Variants in CSMD1 observed in about 807,000 individuals in gnomAD.
The protein encoded by CSMD1 is CUB and Sushi multiple domains 1.
A neutral mutation model predicts 417.5 loss-of-function variants in CSMD1; 213 were observed. The observed-to-expected ratio is 0.51, with a 90% confidence interval of 0.46 to 0.57. The LOEUF is 0.57. CSMD1 is among the 20% of genes least tolerant of loss of function. The pLI is 0.00. For missense variants in CSMD1, 6,923 were observed against 4,529.7 expected (o/e 1.53, Z -15.17); for synonymous variants, 2,862 against 1,736.8 (o/e 1.65, Z -16.11).
intron 49 of CSMD1, among the ~76,000 whole-genome samples, chr8:3,062,089 T>A (rs541117434): frequency 6.6e-6 from 1 of 152,348 alleles, no homozygotes; most frequent in Admixed American, 6.5e-5. Flanking sequence ...TTTTCAAATA[T>A]GATTCTGAAA....
chr8:2,949,898 A>G (rs531639971), intron 67 of CSMD1, among the ~76,000 whole-genome samples: 9 of 152,154 alleles, frequency 5.9e-5, no homozygotes, highest in Admixed American at 2.6e-4. Context: ...CAGCGTGGTT[A>G]TCAAGCGGTC....
intron 2 of CSMD1, among the ~76,000 whole-genome samples, chr8:4,440,086 G>A (rs995846609): frequency 2.0e-5 from 3 of 152,136 alleles, no homozygotes; most frequent in Admixed American, 6.5e-5. Flanking sequence ...TTTTAACTGT[G>A]TTAGGATATT....
At chr8:3,176,565 C>T (rs891302768) in intron 37 of CSMD1, among the ~76,000 whole-genome samples, 2 of 152,118 alleles carry the variant, frequency 1.3e-5, no homozygotes, top group African/African-American at 4.8e-5. Flanking sequence ...GAGAAATTTT[C>T]AGATCCTTAC....
intron 1 of CSMD1, among the ~76,000 whole-genome samples, chr8:4,795,685 G>C (rs1012916902): frequency 3.9e-5 from 6 of 152,036 alleles, no homozygotes; most frequent in African/African-American, 1.4e-4. Flanking sequence ...ATTATCTTCT[G>C]TGAACTGGGA....
intron 25 of CSMD1, among the ~76,000 whole-genome samples, chr8:3,301,250 C>T (rs1030719268): frequency 1.3e-5 from 2 of 151,854 alleles, no homozygotes; most frequent in African/African-American, 4.8e-5. Flanking sequence ...GCAGCGTTTG[C>T]AGGGTGGTCA....
intron 5 of CSMD1, among the ~76,000 whole-genome samples, chr8:3,993,153 A>G (rs1358170357): frequency 2.0e-5 from 3 of 152,232 alleles, no homozygotes; most frequent in Admixed American, 2.0e-4. Context: ...CACTATGGTT[A>G]TGTAAGATGT....
intron 11 of CSMD1, among the ~76,000 whole-genome samples, chr8:3,478,192 C>T (rs1460487844): frequency 6.6e-6 from 1 of 152,196 alleles, no homozygotes; most frequent in East Asian, 1.9e-4. Flanking sequence ...TGTGACTTAA[C>T]ATCAATCATT....
At position 3,006,856 on chromosome 8, in the gene CSMD1, G is replaced by C. The variant is rs890026361; in HGVS notation, c.8030-6725C>G. 6.5e-4 allele frequency among the ~76,000 whole-genome samples: 94 copies of C among 144,502 alleles called. 1 individual carries two copies. Among genetic ancestry groups the C allele is most frequent in the Admixed American group, 1.1e-3 (17 of 14,998 alleles). 94.8% of individuals were successfully genotyped at this position (144,502 alleles called of 152,430 possible). On this transcript the variant is annotated intron_variant, in intron 52 of 69. Coordinates refer to ENST00000635120, the MANE Select transcript of CSMD1 (RefSeq NM_033225.6). ...CCTAGGCATTACCATTCAGGACATAGGCATGGGCAAAGACTTCATGTCTAA... is the reference window on the plus strand; with the variant it reads ...CCTAGGCATTACCATTCAGGACATACGCATGGGCAAAGACTTCATGTCTAA...
intron 1 of CSMD1, among the ~76,000 whole-genome samples, chr8:4,791,556 C>G (rs1381883319): frequency 6.6e-6 from 1 of 152,138 alleles, no homozygotes; most frequent in Admixed American, 6.6e-5. Flanking sequence ...TGTTTTGTCT[C>G]TTTTTGGCTA....
intron 21 of CSMD1, among the ~76,000 whole-genome samples, chr8:3,352,588 C>G (rs1462198133): frequency 6.6e-6 from 1 of 152,126 alleles, no homozygotes; most frequent in African/African-American, 2.4e-5. Context: ...ATCTGTAATC[C>G]TAGCAGTTTG....
chr8:3,818,982 G>T (rs1801558475), intron 5 of CSMD1, among the ~76,000 whole-genome samples: 1 of 152,148 alleles, frequency 6.6e-6, no homozygotes, highest in Non-Finnish European at 1.5e-5. Context: ...CAAAAGAGAG[G>T]GGAAAAGCTG....
At chr8:4,852,768 C>T (rs1048738935) in intron 1 of CSMD1, among the ~76,000 whole-genome samples, 3 of 149,796 alleles carry the variant, frequency 2.0e-5, no homozygotes, top group African/African-American at 7.6e-5. Flanking sequence ...GAAATGTGGA[C>T]AGTGATGGGC....
At chr8:3,703,709 T>G (rs893716232) in intron 7 of CSMD1, among the ~76,000 whole-genome samples, 1 of 152,142 alleles carries the variant, frequency 6.6e-6, no homozygotes, top group African/African-American at 2.4e-5. Flanking sequence ...CACAGGCACT[T>G]TCATCTTTCA....
chr8:3,842,022 C>G (rs942396829), intron 5 of CSMD1, among the ~76,000 whole-genome samples: 1 of 152,142 alleles, frequency 6.6e-6, no homozygotes, highest in South Asian at 2.1e-4. Flanking sequence ...TTAAAAGCTC[C>G]TTTCTTTCTA....
chr8:3,726,893 G>A (rs888806545), intron 6 of CSMD1, among the ~76,000 whole-genome samples: 1 of 152,178 alleles, frequency 6.6e-6, no homozygotes, highest in Non-Finnish European at 1.5e-5. Flanking sequence ...TAAAAAACAT[G>A]AGGAAATATC....
chr8:4,657,331 C>A (rs778588227), intron 1 of CSMD1, among the ~76,000 whole-genome samples: 2 of 152,154 alleles, frequency 1.3e-5, no homozygotes, highest in Non-Finnish European at 2.9e-5. Context: ...GGTCAACTGG[C>A]AGACTGAGAG....
intron 1 of CSMD1, among the ~76,000 whole-genome samples, chr8:4,767,601 C>G (rs910486344): frequency 1.3e-5 from 2 of 152,148 alleles, no homozygotes; most frequent in African/African-American, 4.8e-5. Context: ...ACAGTCCTCC[C>G]TAGGACCTGC....
chr8:4,444,383 G>A (rs534052827), intron 2 of CSMD1, among the ~76,000 whole-genome samples: 5 of 128,224 alleles, frequency 3.9e-5, no homozygotes, highest in Admixed American at 7.8e-5. Flanking sequence ...AAAAGCAGAG[G>A]TTCTTGGAGT....
rs1812713655 is a variant in CSMD1 at position 3,411,686 on chromosome 8, A to ATATACACACG, written c.1562-2082_1562-2081insCGTGTGTATA. Among the ~76,000 whole-genome samples the ATATACACACG allele has an allele frequency of 2.4e-4, 5 of 21,046 alleles. 1 individual carries two copies. The highest frequency in any genetic ancestry group is 7.1e-4 in the East Asian group (2 of 2,826). 13.8% of individuals were successfully genotyped at this position (21,046 alleles called of 152,430 possible). ...TATATATACGTGTATATATACGTGTATATATACACACGTATATATACACGT... is the reference window on the plus strand; with the variant it reads ...TATATATACGTGTATATATACGTGTATATACACACGTATATACACACGTATATATACACGT... On this transcript the variant is annotated intron_variant, in intron 12 of 69. Transcript: ENST00000635120.
Sources: allele counts gnomAD v4.1 joint callset (sites outside exome capture counted in the v4.1 genomes callset), GRCh38; gene constraint gnomAD v4.1.1; transcripts MANE v1.5; gene names NCBI Gene and HGNC (gene_info 2026-07-23, HGNC 2026-07-21).